The following DLEC1 variants were observed in gnomAD, a reference collection of about 807,000 sequenced individuals.
DLEC1 encodes DLEC1 cilia and flagella associated protein.
Under a neutral mutation model 198.1 loss-of-function variants are expected in DLEC1, and 146 were observed. That is an observed-to-expected ratio of 0.74 (90% CI 0.64 to 0.85). DLEC1 has a LOEUF of 0.85. Among genes scored for constraint, DLEC1 ranks in the 40% least tolerant of loss-of-function variants. The probability of loss-of-function intolerance (pLI) is 0.00; values close to 1 mark genes in which losing one functional copy is unlikely to be tolerated. For synonymous variants in DLEC1, 897 were observed against 866.8 expected (o/e 1.03, Z -0.61); for missense variants, 2,233 against 2,220.0 (o/e 1.01, Z -0.12).
rs1371916127 is a variant in DLEC1, at chr3:38,062,158, T to C, written c.674-11T>C. On this transcript the variant is annotated splice_polypyrimidine_tract_variant and intron_variant, in intron 3 of 36. Coordinates refer to ENST00000308059, the MANE Select transcript of DLEC1 (RefSeq NM_007335.4). ...GTTGCAGTGATTCAGTTTGTTTCCT[T>C]GATGCTGTAGGCATCTCCCTACCTG... is the stretch of plus-strand genomic sequence containing the variant. 1 of 1,614,024 alleles carries C rather than the reference T, an allele frequency of 6.2e-7. No individual in the cohort carries two copies. The highest frequency in any genetic ancestry group is 8.5e-7 in the Non-Finnish European group (1 of 1,180,024).
chr3:38,118,106 G>A lies in DLEC1; in HGVS notation c.4704+82G>A, dbSNP rs991059772. The A allele has an allele frequency of 2.0e-6, 3 of 1,474,858 alleles. No homozygotes were observed. The African/African-American group carries it at 4.2e-5, about 21-fold the overall frequency. The allele number at this position is 1,474,858 out of a possible 1,614,324, so 91.4% of individuals were successfully genotyped here. A position where few individuals can be genotyped will look rare whatever the true frequency, so the allele number is the denominator to read the frequency against. On this transcript the variant is annotated intron_variant, in intron 33 of 36. Coordinates refer to ENST00000308059, the MANE Select transcript of DLEC1 (RefSeq NM_007335.4). ...ACAGCACCCCTGCACGCCACCCTCAGGTGCTTGTACCCAGACGCAAACTGC... is the reference window on the plus strand; with the variant it reads ...ACAGCACCCCTGCACGCCACCCTCAAGTGCTTGTACCCAGACGCAAACTGC...
rs745877868 is a variant in DLEC1, at chr3:38,116,727, TTGAACCTCAGTGACTGCG to T, written c.4063-32_4063-15del. On this transcript the variant is annotated intron_variant, in intron 28 of 36. Transcript: ENST00000308059. ...CACTGAGGTGTGGCCAGTAGGCTAG[TTGAACCTCAGTGACTGCG>T]TGAACCTCAGTGATTCCTTGGTGAC... 8.1e-6 allele frequency: 13 copies of T among 1,608,608 alleles called. No individual in the cohort carries two copies. In the Admixed American group the frequency reaches 1.0e-4, roughly 12 times the overall value.
In DLEC1 at chr3:38,122,567, A is replaced by T. The variant is rs774357520; in HGVS notation, c.*155A>T. Reference sequence around the variant, plus strand: ...AAGAACCCCCTTCCACAATGGTCTCAGCCTAGGCCCTCATGATATGTCCTC... The same window carrying T: ...AAGAACCCCCTTCCACAATGGTCTCTGCCTAGGCCCTCATGATATGTCCTC... On this transcript the variant is annotated 3_prime_UTR_variant, in exon 37 of 37. Transcript: ENST00000308059. 8 of 1,601,024 alleles carry T rather than the reference A, an allele frequency of 5.0e-6. No individual in the cohort carries two copies. The South Asian group carries it at 8.9e-5, about 18-fold the overall frequency.
intron 10 of DLEC1, among the ~76,000 whole-genome samples, chr3:38,088,940 T>G (rs1417589697): frequency 6.6e-6 from 1 of 152,176 alleles, no homozygotes; most frequent in Non-Finnish European, 1.5e-5. Flanking sequence ...TCACACCTGC[T>G]TGCTGGTCCC....
chr3:38,058,591 A>G (rs972284539), intron 2 of DLEC1, among the ~76,000 whole-genome samples: 5 of 152,216 alleles, frequency 3.3e-5, no homozygotes, highest in African/African-American at 1.2e-4. Context: ...ATAAATATAT[A>G]TGGTTTTTAA....
chr3:38,051,259 CCAA>C (rs1202107065), intron 2 of DLEC1, among the ~76,000 whole-genome samples: 3 of 152,234 alleles, frequency 2.0e-5, no homozygotes, highest in Non-Finnish European at 4.4e-5. Flanking sequence ...TTGAAAACTT[CCAA>C]CAAGTCTTCT....
intron 6 of DLEC1, among the ~76,000 whole-genome samples, chr3:38,071,671 G>A (rs542155854): frequency 2.0e-4 from 31 of 152,326 alleles, no homozygotes; most frequent in South Asian, 6.2e-4. Context: ...AGAGCAATGG[G>A]ATCTGACGCC....
intron 2 of DLEC1, among the ~76,000 whole-genome samples, chr3:38,050,706 T>G (rs1701074857): frequency 6.6e-6 from 1 of 152,222 alleles, no homozygotes; most frequent in Admixed American, 6.5e-5. Context: ...GTATAAGATT[T>G]GAGGGAACAA....
intron 13 of DLEC1, chr3:38,095,685 C>T (rs149641252): frequency 4.4e-5 from 26 of 589,646 alleles, no homozygotes; most frequent in African/African-American, 4.1e-4. Context: ...GAGACAGGCC[C>T]CTGAGTCCTG....
chr3:38,095,496 A>C (rs371982988), intron 13 of DLEC1: 72 of 304,546 alleles, frequency 2.4e-4, no homozygotes, highest in Admixed American at 9.4e-4. Flanking sequence ...CGAGCTGGGC[A>C]TGAAAAGGAT....
At chr3:38,115,265 C>A in intron 27 of DLEC1, among the ~76,000 whole-genome samples, 1 of 152,150 alleles carries the variant, frequency 6.6e-6, no homozygotes, top group East Asian at 1.9e-4. Flanking sequence ...AGAGGGGATC[C>A]CTTTCTCATT....
intron 23 of DLEC1, among the ~76,000 whole-genome samples, chr3:38,110,863 CAT>C (rs949441620): frequency 7.2e-5 from 11 of 152,190 alleles, no homozygotes; most frequent in East Asian, 5.8e-4. Context: ...TGCATATACA[CAT>C]ATACATACAC....
At chr3:38,068,633 A>G (rs897187578) in intron 6 of DLEC1, among the ~76,000 whole-genome samples, 14 of 152,238 alleles carry the variant, frequency 9.2e-5, no homozygotes, top group Admixed American at 9.2e-4. Flanking sequence ...GTGGGCAACT[A>G]GCCCAGATTA....
intron 18 of DLEC1, among the ~76,000 whole-genome samples, chr3:38,098,415 C>G (rs1699143796): frequency 6.6e-6 from 1 of 152,216 alleles, no homozygotes; most frequent in South Asian, 2.1e-4. Context: ...GGAAAAAAAG[C>G]AGCTAAGTAT....
Position 38,062,293 on chromosome 3 carries a change from G to A in DLEC1, c.798G>A (p.Glu266=). ...CRKKLAEFED[E]LDHTVDSLTW... Reference sequence around the variant, plus strand: ...AGAAGCTTGCTGAGTTCGAAGATGAGTTAGACCACACTGTGGACAGCCTGA... The same window carrying A: ...AGAAGCTTGCTGAGTTCGAAGATGAATTAGACCACACTGTGGACAGCCTGA... Residue 266 remains glutamate (E), a synonymous_variant, in exon 4 of 37, where the codon GAG becomes GAA. Transcript: ENST00000308059. 6.2e-7 allele frequency: 1 copy of A among 1,614,228 alleles called. No homozygotes were observed. Among genetic ancestry groups the A allele is most frequent in the South Asian group, 1.1e-5 (1 of 91,084 alleles).
Position 38,096,576 on chromosome 3 carries a change from G to T in DLEC1, c.2179G>T (p.Ala727Ser). ...EEVPEPVSSEAESLGHSSYSV... is the reference protein window; with the variant it reads ...EEVPEPVSSESESLGHSSYSV... ...CGGTGGGTTTGTGTTTAGTTCAGAAGCGGAGAGCCTGGGGCACTCCTCCTA... is the reference window on the plus strand; with the variant it reads ...CGGTGGGTTTGTGTTTAGTTCAGAATCGGAGAGCCTGGGGCACTCCTCCTA... The change falls in exon 15 of 37, where the codon GCG becomes TCG. Residue 727 changes from alanine to serine, a missense_variant. Transcript: ENST00000308059. The T allele has an allele frequency of 6.2e-7, 1 of 1,611,046 alleles. No homozygotes were observed. Among genetic ancestry groups the T allele is most frequent in the East Asian group, 2.2e-5 (1 of 44,872 alleles).
At chr3:38,089,353 G>T (rs930259924) in intron 10 of DLEC1, among the ~76,000 whole-genome samples, 1 of 152,238 alleles carries the variant, frequency 6.6e-6, no homozygotes, top group Non-Finnish European at 1.5e-5. Context: ...AGCCAAGTTG[G>T]AGTTCAACTG....
Position 38,112,107 on chromosome 3 carries a change from G to C in DLEC1, c.3515-103G>C, listed in dbSNP as rs1699915772. ...ATGTAGCCTGACCAAGGAGAGGCTG[G>C]AGGGTGGCTTATCGGGGACAGTGCT... On this transcript the variant is annotated intron_variant, in intron 24 of 36. Transcript: ENST00000308059. The surrounding 1 kb of genome is among the most constrained non-coding windows in gnomAD (Gnocchi z 4.8). 7.1e-6 allele frequency: 11 copies of C among 1,545,182 alleles called. No homozygotes were observed. In the South Asian group the frequency reaches 8.5e-5, roughly 12 times the overall value.
At chr3:38,109,005 A>G (rs1293248668) in intron 21 of DLEC1, among the ~76,000 whole-genome samples, 1 of 152,216 alleles carries the variant, frequency 6.6e-6, no homozygotes, top group East Asian at 1.9e-4. Context: ...TCCTCCTTAC[A>G]GAGACTTGCA....
Sources: gnomAD v4.1 joint callset for allele counts (sites outside exome capture counted in the v4.1 genomes callset) on GRCh38, gnomAD v4.1.1 for gene constraint, Gnocchi (gnomAD v3.1) non-coding constraint, MANE v1.5 for transcripts, NCBI Gene and HGNC (gene_info 2026-07-23, HGNC 2026-07-21) for gene names.